Variants in UBE2D2 observed in about 807,000 individuals in gnomAD.
The protein encoded by UBE2D2 is ubiquitin conjugating enzyme E2 D2, also known as ubiquitin-conjugating enzyme E2 D2.
A neutral mutation model predicts 24.2 loss-of-function variants in UBE2D2; 2 were observed. That is an observed-to-expected ratio of 0.08 (90% CI 0.03 to 0.26). The LOEUF is 0.26. Ranked by LOEUF, UBE2D2 falls within the 10% of genes least tolerant of loss-of-function variation. The pLI is 1.00. For synonymous variants in UBE2D2, 58 were observed against 56.5 expected (o/e 1.03, Z -0.12); for missense variants, 44 against 177.6 (o/e 0.25, Z 4.28).
chr5:139,574,735 C>CAAAAAAAAAAAAA (rs75539434), intron 1 of UBE2D2, among the ~76,000 whole-genome samples: 5 of 70,738 alleles, frequency 7.1e-5, no homozygotes, highest in African/African-American at 2.4e-4. Context: ...GGTGGGGTGG[C>CAAAAAAAAAAAAA]AAAAAAAAAA....
intron 1 of UBE2D2, among the ~76,000 whole-genome samples, chr5:139,544,545 C>T (rs1285508860): frequency 6.6e-6 from 1 of 151,810 alleles, no homozygotes; most frequent in Non-Finnish European, 1.5e-5. Flanking sequence ...CCCACCTCAG[C>T]CTCCCAAGTG....
intron 5 of UBE2D2, among the ~76,000 whole-genome samples, chr5:139,620,414 A>T (rs1054278416): frequency 2.6e-5 from 4 of 152,330 alleles, no homozygotes; most frequent in African/African-American, 9.6e-5. Flanking sequence ...ACATTCAAAA[A>T]TTTCTAACTT....
intron 1 of UBE2D2, among the ~76,000 whole-genome samples, chr5:139,540,524 C>G (rs1332148991): frequency 7.7e-6 from 1 of 129,256 alleles, no homozygotes; most frequent in African/African-American, 3.2e-5. Flanking sequence ...CCAGCCTAGG[C>G]GACAGAGCAA....
chr5:139,574,647 G>A (rs1249443779), intron 1 of UBE2D2, among the ~76,000 whole-genome samples: 2 of 148,420 alleles, frequency 1.3e-5, no homozygotes, highest in African/African-American at 5.0e-5. Context: ...CAAAGTTCTT[G>A]TCTTATTCTT....
At chr5:139,528,490 C>T (rs1157991225) in intron 1 of UBE2D2, among the ~76,000 whole-genome samples, 2 of 152,222 alleles carry the variant, frequency 1.3e-5, no homozygotes, top group African/African-American at 4.8e-5. Context: ...AGTGGCCTAT[C>T]TCTCAAAACA....
intron 1 of UBE2D2, among the ~76,000 whole-genome samples, chr5:139,599,389 C>T (rs1001327042): frequency 2.6e-5 from 4 of 151,654 alleles, no homozygotes; most frequent in Non-Finnish European, 4.4e-5. Context: ...TTTTGAGGTA[C>T]AAAAATTGGC....
intron 1 of UBE2D2, among the ~76,000 whole-genome samples, chr5:139,549,289 C>A (rs1752873979): frequency 6.6e-6 from 1 of 152,204 alleles, no homozygotes; most frequent in Non-Finnish European, 1.5e-5. Flanking sequence ...GGGAGCCCCT[C>A]TCTGGGCTAG....
chr5:139,609,721 T>G (rs1023855671), intron 2 of UBE2D2, among the ~76,000 whole-genome samples: 5 of 149,150 alleles, frequency 3.4e-5, no homozygotes, highest in Non-Finnish European at 5.9e-5. Context: ...TTAAGTGCTT[T>G]CTTTCTTTTT....
At chr5:139,569,728 G>T (rs995921784) in intron 1 of UBE2D2, among the ~76,000 whole-genome samples, 1 of 152,140 alleles carries the variant, frequency 6.6e-6, no homozygotes, top group Non-Finnish European at 1.5e-5. Context: ...TGGAAAGGCC[G>T]TGTGACCTAC....
chr5:139,623,649 C>G (rs1754558715), intron 6 of UBE2D2, 188 bp downstream of exon 6: 5 of 444,816 alleles, frequency 1.1e-5, no homozygotes, highest in African/African-American at 4.0e-5. Flanking sequence ...AGTCTTATCC[C>G]TGATTGTTTC....
chr5:139,535,228 C>T (rs1395550400), intron 1 of UBE2D2, among the ~76,000 whole-genome samples: 3 of 147,244 alleles, frequency 2.0e-5, no homozygotes, highest in South Asian at 2.1e-4. Flanking sequence ...AGGTGGGTCA[C>T]GAGGTCAGGA....
At chr5:139,529,905 G>A (rs1343499385) in intron 1 of UBE2D2, among the ~76,000 whole-genome samples, 3 of 152,098 alleles carry the variant, frequency 2.0e-5, no homozygotes, top group Non-Finnish European at 4.4e-5. Context: ...GTCTGTGGAG[G>A]AACTGTAACA....
At chr5:139,567,800 C>T (rs1200741701) in intron 1 of UBE2D2, among the ~76,000 whole-genome samples, 2 of 152,146 alleles carry the variant, frequency 1.3e-5, no homozygotes, top group Admixed American at 1.3e-4. Context: ...TCCCAAAGTG[C>T]TGGGATTACA....
At chr5:139,606,845 G>GC (rs1466861615) in intron 2 of UBE2D2, among the ~76,000 whole-genome samples, 1 of 151,840 alleles carries the variant, frequency 6.6e-6, no homozygotes, top group Admixed American at 6.6e-5. Context: ...TCACATCGTC[G>GC]CCCCCCTGGA....
At chr5:139,610,555 T>TA (rs1754295874) in intron 2 of UBE2D2, among the ~76,000 whole-genome samples, 2 of 147,834 alleles carry the variant, frequency 1.4e-5, no homozygotes, top group Non-Finnish European at 3.0e-5. Flanking sequence ...AAAAATATAT[T>TA]TTTTTTTTTG....
intron 5 of UBE2D2, among the ~76,000 whole-genome samples, chr5:139,615,829 A>ATTTTTT (rs200247238): frequency 4.6e-4 from 44 of 95,384 alleles, no homozygotes; most frequent in East Asian, 5.8e-4. Flanking sequence ...AATAATCTAG[A>ATTTTTT]TTTTTTTTTT....
chr5:139,528,637 A>G (rs571118881), intron 1 of UBE2D2, among the ~76,000 whole-genome samples: 1 of 152,358 alleles, frequency 6.6e-6, no homozygotes, highest in African/African-American at 2.4e-5. Flanking sequence ...GGTGATTTTA[A>G]TAAATAACAA....
chr5:139,526,992 G>T (rs1482525770), intron 1 of UBE2D2, among the ~76,000 whole-genome samples: 1 of 152,016 alleles, frequency 6.6e-6, no homozygotes, highest in East Asian at 1.9e-4. Context: ...GTGTGAGCAT[G>T]GTATTTTGTC....
At chr5:139,599,779 CTCTT>C (rs1049958081) in intron 1 of UBE2D2, among the ~76,000 whole-genome samples, 1 of 151,790 alleles carries the variant, frequency 6.6e-6, no homozygotes, top group Non-Finnish European at 1.5e-5. Context: ...GTATTTTTGG[CTCTT>C]TAATACATAA....
Sources: allele counts gnomAD v4.1 joint callset (sites outside exome capture counted in the v4.1 genomes callset), GRCh38; gene constraint gnomAD v4.1.1; transcripts MANE v1.5; gene names NCBI Gene and HGNC (gene_info 2026-07-23, HGNC 2026-07-21).